The following PIWIL3 variants were observed in gnomAD, a reference collection of about 807,000 sequenced individuals.
PIWIL3 encodes the protein piwi-like protein 3.
In PIWIL3, 101 loss-of-function variants were observed where a neutral mutation model predicts 109.7. That is an observed-to-expected ratio of 0.92 (90% CI 0.78 to 1.09). The LOEUF is 1.09. Among genes scored for constraint, PIWIL3 ranks in the 50% least tolerant of loss-of-function variants. The pLI, the probability that PIWIL3 is intolerant of heterozygous loss-of-function variation, is 0.00. For synonymous variants in PIWIL3, 373 were observed against 376.4 expected (o/e 0.99, Z 0.10); for missense variants, 1,031 against 1,072.6 (o/e 0.96, Z 0.54).
chr22:24,764,950 G>C (rs981150516), intron 1 of PIWIL3, among the ~76,000 whole-genome samples: 3 of 152,162 alleles, frequency 2.0e-5, no homozygotes, highest in Non-Finnish European at 2.9e-5. Context: ...GTGCCTGGGG[G>C]AGAGAGGCAA....
At chr22:24,746,152 A>G (rs1472537494) in intron 12 of PIWIL3, among the ~76,000 whole-genome samples, 3 of 152,186 alleles carry the variant, frequency 2.0e-5, no homozygotes, top group African/African-American at 7.2e-5. Context: ...ACTACAGGCC[A>G]ATATCTCCAA....
chr22:24,768,256 T>G (rs564018159), intron 1 of PIWIL3, among the ~76,000 whole-genome samples: 2 of 143,686 alleles, frequency 1.4e-5, no homozygotes, highest in South Asian at 2.1e-4. Flanking sequence ...GTTTTTTGTG[T>G]TTTTTTTTTC....
At chr22:24,763,319 T>C (rs557446048) in intron 1 of PIWIL3, among the ~76,000 whole-genome samples, 1 of 149,712 alleles carries the variant, frequency 6.7e-6, no homozygotes, top group African/African-American at 2.5e-5. Flanking sequence ...GTTTTTTATT[T>C]TGAGAGAGTC....
chr22:24,749,745 C>G lies in PIWIL3; in HGVS notation c.1164G>C (p.Thr388=). Residue 388 remains threonine (T), a synonymous_variant, in exon 10 of 21, where the codon ACG becomes ACC. Coordinates refer to ENST00000616349, the MANE Select transcript of PIWIL3 (RefSeq NM_001255975.1). ...VSQGRWKKGL[T]GTQREPILLI... ...GCAGGATAGGTTCACGTTGTGTACCCGTTAGGCCCTTTTTCCATCTGCCCT... is the reference window on the plus strand; with the variant it reads ...GCAGGATAGGTTCACGTTGTGTACCGGTTAGGCCCTTTTTCCATCTGCCCT... 1 of 1,613,644 alleles carries G rather than the reference C, an allele frequency of 6.2e-7. No individual in the cohort carries two copies.
chr22:24,728,443 G>A, intron 14 of PIWIL3, 69 bp from the exon 15 acceptor site: 1 of 1,585,452 alleles, frequency 6.3e-7, no homozygotes, highest in Non-Finnish European at 8.6e-7. Context: ...AAAACCATCT[G>A]GAGCAGGCAA....
At chr22:24,735,580 T>C (rs1923608630) in intron 13 of PIWIL3, 128 bp downstream of exon 13, 1 of 846,640 alleles carries the variant, frequency 1.2e-6, no homozygotes, top group African/African-American at 1.8e-5. Context: ...ATTTTTTGAC[T>C]AGAGATTAGA....
At chr22:24,743,716 G>A (rs1924143686) in intron 12 of PIWIL3, among the ~76,000 whole-genome samples, 3 of 152,116 alleles carry the variant, frequency 2.0e-5, no homozygotes, top group Admixed American at 2.0e-4. Context: ...GTTCAGTACA[G>A]TGTACACTGC....
At chr22:24,750,482 A>ATTTTTTTTTTTTT (rs1241174453) in intron 9 of PIWIL3, among the ~76,000 whole-genome samples, 7 of 114,296 alleles carry the variant, frequency 6.1e-5, no homozygotes, top group Non-Finnish European at 3.6e-5. Context: ...ACCACATTTG[A>ATTTTTTTTTTTTT]TTTTTTTTCT....
chr22:24,766,227 T>G (rs1925780894), intron 1 of PIWIL3, among the ~76,000 whole-genome samples: 1 of 152,106 alleles, frequency 6.6e-6, no homozygotes, highest in African/African-American at 2.4e-5. Flanking sequence ...GCTCAAGCGA[T>G]CATCCCATCT....
At chr22:24,736,018 A>C in intron 12 of PIWIL3, 126 bp from the exon 13 acceptor site, 1 of 761,220 alleles carries the variant, frequency 1.3e-6, no homozygotes, top group Non-Finnish European at 2.0e-6. Flanking sequence ...TGAATGGCCA[A>C]TGTAGGTATT....
intron 6 of PIWIL3, 41 bp from the exon 7 acceptor site, chr22:24,754,905 A>G: frequency 6.5e-7 from 1 of 1,536,046 alleles, no homozygotes; most frequent in South Asian, 1.1e-5. Flanking sequence ...AGTACAGGGT[A>G]CATTATTAAG....
At chr22:24,756,842 G>A in intron 4 of PIWIL3, 137 bp from the exon 5 acceptor site, 1 of 705,092 alleles carries the variant, frequency 1.4e-6, no homozygotes, top group Non-Finnish European at 2.3e-6. Flanking sequence ...CACTCTGGGA[G>A]GCCAAGGCGG....
Position 24,723,243 on chromosome 22 carries a change from A to G in PIWIL3, c.2244T>C (p.Ala748=). The change falls in exon 19 of 21, where the codon GCT becomes GCC. Residue 748 remains alanine, a synonymous_variant. Transcript: ENST00000616349. The part of the protein sequence containing the change: ...KTISPNNFTL[A]FIVVKKRINT... ...TTATTCGTTTCTTCACCACAATGAA[A>G]GCTAGAGTGAAACTTAAAAAAATTA... 1.2e-6 allele frequency: 2 copies of G among 1,610,678 alleles called. No individual in the cohort carries two copies. Among genetic ancestry groups the G allele is most frequent in the Non-Finnish European group, 8.5e-7 (1 of 1,177,884 alleles).
intron 14 of PIWIL3, among the ~76,000 whole-genome samples, chr22:24,730,284 G>C (rs1254912566): frequency 7.0e-6 from 1 of 142,814 alleles, no homozygotes; most frequent in East Asian, 2.2e-4. Context: ...AGAATAGCTT[G>C]AACTGGGAGG....
At chr22:24,747,142 T>C (rs1365359498) in intron 12 of PIWIL3, among the ~76,000 whole-genome samples, 1 of 152,066 alleles carries the variant, frequency 6.6e-6, no homozygotes, top group East Asian at 1.9e-4. Flanking sequence ...TATAGACCAG[T>C]GGATCAGAAA....
At chr22:24,737,157 A>ACAACT (rs1435265285) in intron 12 of PIWIL3, among the ~76,000 whole-genome samples, 8 of 152,210 alleles carry the variant, frequency 5.3e-5, no homozygotes, top group Admixed American at 5.2e-4. Flanking sequence ...CAATGGCAGC[A>ACAACT]CAGCTCAAAG....
At chr22:24,757,790 T>C (rs932286498) in intron 4 of PIWIL3, 118 bp downstream of exon 4, 15 of 1,221,944 alleles carry the variant, frequency 1.2e-5, no homozygotes, top group Non-Finnish European at 1.7e-5. Context: ...GAGGCTAAAG[T>C]GAGCATCACT....
Position 24,762,413 on chromosome 22 carries a change from T to A in PIWIL3, c.87A>T (p.Ala29=). ...CAGGGCTCACTGTAGCTGATCCAGG[T>A]GCTCTGGGTCCCCCAGGTGCCTCTT... The part of the protein sequence containing the change: ...YQQEAPGGPR[A]PGSATTQEPP... The change falls in exon 2 of 21, where the codon GCA becomes GCT. Residue 29 remains alanine (A), a synonymous_variant. Transcript: ENST00000616349. The A allele has an allele frequency of 6.2e-7, 1 of 1,613,762 alleles. No individual in the cohort carries two copies. The highest frequency in any genetic ancestry group is 8.5e-7 in the Non-Finnish European group (1 of 1,179,858).
At chr22:24,760,065 G>T in intron 2 of PIWIL3, 76 bp from the exon 3 acceptor site, 3 of 1,572,660 alleles carry the variant, frequency 1.9e-6, no homozygotes, top group East Asian at 2.2e-5. Flanking sequence ...CACTCGCAGG[G>T]CACAAGGCAA....
Sources: allele counts gnomAD v4.1 joint callset (sites outside exome capture counted in the v4.1 genomes callset), GRCh38; gene constraint gnomAD v4.1.1; transcripts MANE v1.5; gene names NCBI Gene and HGNC (gene_info 2026-07-23, HGNC 2026-07-21).